LRMDA: variants seen among roughly 807,000 people sequenced by gnomAD.
LRMDA encodes leucine-rich melanocyte differentiation-associated protein.
A neutral mutation model predicts 29.8 loss-of-function variants in LRMDA; 18 were observed. The observed-to-expected ratio is 0.60, with a 90% CI of 0.42 to 0.90. The LOEUF is 0.90. LRMDA is among the 40% of genes least tolerant of loss of function. LRMDA has a pLI of 0.00. For missense variants in LRMDA, 273 were observed against 273.9 expected (o/e 1.00, Z 0.02); for synonymous variants, 125 against 109.4 (o/e 1.14, Z -0.89).
chr10:76,180,508 T>C (rs545883031), intron 5 of LRMDA, among the ~76,000 whole-genome samples: 1 of 151,998 alleles, frequency 6.6e-6, no homozygotes, highest in Non-Finnish European at 1.5e-5. Context: ...CTCAAACTCC[T>C]GACCTCGTGA....
chr10:76,427,110 C>T (rs1196735730), intron 6 of LRMDA, among the ~76,000 whole-genome samples: 1 of 152,092 alleles, frequency 6.6e-6, no homozygotes, highest in African/African-American at 2.4e-5. Flanking sequence ...TCCATATGAA[C>T]TTTAAAGTAG....
chr10:75,582,370 T>C (rs1327773533), intron 2 of LRMDA, among the ~76,000 whole-genome samples: 3 of 152,238 alleles, frequency 2.0e-5, no homozygotes, highest in Non-Finnish European at 4.4e-5. Flanking sequence ...TTGCATTCTG[T>C]GCACCCACAG....
chr10:76,185,189 G>T (rs1851125557), intron 5 of LRMDA, among the ~76,000 whole-genome samples: 1 of 152,218 alleles, frequency 6.6e-6, no homozygotes, highest in Admixed American at 6.5e-5. Context: ...ATGAGGGGAT[G>T]TTTGCAACCT....
chr10:75,662,463 G>A (rs547447103), intron 2 of LRMDA, among the ~76,000 whole-genome samples: 16 of 152,168 alleles, frequency 1.1e-4, no homozygotes, highest in African/African-American at 3.6e-4. Context: ...TGGGTGGGAA[G>A]GAATTTTATT....
chr10:76,088,150 C>T (rs1043295667), intron 5 of LRMDA, among the ~76,000 whole-genome samples: 28 of 152,226 alleles, frequency 1.8e-4, no homozygotes, highest in African/African-American at 6.7e-4. Context: ...CTCTAACCAT[C>T]AGAACTATCC....
intron 5 of LRMDA, among the ~76,000 whole-genome samples, chr10:76,196,990 G>T (rs77100606): frequency 1.2e-3 from 180 of 152,288 alleles, no homozygotes; most frequent in African/African-American, 4.2e-3. Context: ...TATCCAGTCA[G>T]CTGTAACATC....
At chr10:75,971,104 T>A (rs890064411) in intron 2 of LRMDA, among the ~76,000 whole-genome samples, 7 of 152,122 alleles carry the variant, frequency 4.6e-5, no homozygotes, top group African/African-American at 1.7e-4. Flanking sequence ...TGCTCTTCCA[T>A]AGTGAGTGGT....
chr10:76,393,901 G>A (rs1188521861), intron 6 of LRMDA, among the ~76,000 whole-genome samples: 1 of 152,072 alleles, frequency 6.6e-6, no homozygotes, highest in African/African-American at 2.4e-5. Context: ...TCCCAACATT[G>A]TTTATTGAGG....
chr10:76,041,978 G>A (rs920339835), intron 3 of LRMDA, among the ~76,000 whole-genome samples: 4 of 152,130 alleles, frequency 2.6e-5, no homozygotes, highest in African/African-American at 9.7e-5. Context: ...ATTAGCCAGG[G>A]ACACCAGGTT....
chr10:75,535,441 G>A (rs183778126), intron 2 of LRMDA, among the ~76,000 whole-genome samples: 1 of 152,074 alleles, frequency 6.6e-6, no homozygotes, highest in African/African-American at 2.4e-5. Context: ...GTCAGCAGCA[G>A]CTTAAAGATT....
chr10:75,943,650 T>C (rs1478667570), intron 2 of LRMDA, among the ~76,000 whole-genome samples: 2 of 152,178 alleles, frequency 1.3e-5, no homozygotes, highest in Non-Finnish European at 2.9e-5. Flanking sequence ...GATATTGACA[T>C]ATTAATCCAA....
chr10:76,144,600 A>C (rs1171614940), intron 5 of LRMDA, among the ~76,000 whole-genome samples: 1 of 152,156 alleles, frequency 6.6e-6, no homozygotes, highest in Non-Finnish European at 1.5e-5. Context: ...GGGCTGAGAC[A>C]GTGGGGTTTT....
At chr10:75,691,139 T>TA (rs1842147130) in intron 2 of LRMDA, among the ~76,000 whole-genome samples, 2 of 99,996 alleles carry the variant, frequency 2.0e-5, no homozygotes, top group Non-Finnish European at 1.8e-5. Context: ...GATATATAGA[T>TA]CTATATATCT....
chr10:76,279,062 C>T (rs1242236456), intron 5 of LRMDA, among the ~76,000 whole-genome samples: 1 of 152,102 alleles, frequency 6.6e-6, no homozygotes, highest in Non-Finnish European at 1.5e-5. Context: ...CTGACTCAGA[C>T]TGTTCTGGAA....
chr10:76,416,724 A>G (rs992123819), intron 6 of LRMDA, among the ~76,000 whole-genome samples: 2 of 152,240 alleles, frequency 1.3e-5, no homozygotes, highest in African/African-American at 4.8e-5. Context: ...AGTAGTCGTA[A>G]TAATATCACT....
Position 75,692,208 on chromosome 10 carries a change from G to GGA in LRMDA, c.131+253714_131+253715insGA, listed in dbSNP as rs1196978316. 9.7e-4 allele frequency among the ~76,000 whole-genome samples: 59 copies of GGA among 61,102 alleles called. 1 individual carries two copies. The highest frequency in any genetic ancestry group is 1.3e-3 in the South Asian group (2 of 1,584). The allele number at this position is 61,102 out of a possible 152,430, so 40.1% of individuals were successfully genotyped here. A position where few individuals can be genotyped will look rare whatever the true frequency, so the allele number is the denominator to read the frequency against. ...CAAAGCAAGACCTTGTCTCTGGGGG[G>GGA]AAAAAAAAAAAATATATATATATAT... On this transcript the variant is annotated intron_variant, in intron 2 of 6. Transcript: ENST00000611255.
intron 2 of LRMDA, among the ~76,000 whole-genome samples, chr10:75,909,115 C>T (rs763813207): frequency 6.6e-6 from 1 of 152,092 alleles, no homozygotes; most frequent in Non-Finnish European, 1.5e-5. Context: ...TAAAAAGATG[C>T]TATTTCTGAC....
In LRMDA at chr10:76,022,193, A is replaced by T. The variant is rs1177094245; in HGVS notation, c.132-13815A>T. On this transcript the variant is annotated intron_variant, in intron 2 of 6. Transcript: ENST00000611255. ...TCTGTTTATGCCCTTGTTTCACGAGATTTGGGGCTTTTGGAGGACAGGATT... is the reference window on the plus strand; with the variant it reads ...TCTGTTTATGCCCTTGTTTCACGAGTTTTGGGGCTTTTGGAGGACAGGATT... 3.3e-5 allele frequency among the ~76,000 whole-genome samples: 5 copies of T among 152,140 alleles called. No homozygotes were observed. In the East Asian group the frequency reaches 9.7e-4, roughly 29 times the overall value.
At chr10:76,014,321 AC>A in intron 2 of LRMDA, among the ~76,000 whole-genome samples, 1 of 151,802 alleles carries the variant, frequency 6.6e-6, no homozygotes, top group African/African-American at 2.4e-5. Flanking sequence ...CCCTGACCTT[AC>A]GGGGTTAAAC....
Sources: allele counts gnomAD v4.1 joint callset (sites outside exome capture counted in the v4.1 genomes callset), GRCh38; gene constraint gnomAD v4.1.1; transcripts MANE v1.5; gene names NCBI Gene and HGNC (gene_info 2026-07-23, HGNC 2026-07-21).